Variants in TIAM1 observed in about 807,000 individuals in gnomAD.
TIAM1 encodes the protein rho guanine nucleotide exchange factor TIAM1.
TIAM1 carries 65 observed loss-of-function variants against 163.5 expected under a neutral mutation model. The ratio of observed to expected loss-of-function variants is 0.40; its 90% CI spans 0.33 to 0.49. The LOEUF (loss-of-function observed/expected upper bound fraction) is 0.49. Ranked by LOEUF, TIAM1 falls within the 20% of genes least tolerant of loss-of-function variation. The pLI is 0.77. For synonymous variants in TIAM1, 833 were observed against 810.1 expected, an observed-to-expected ratio of 1.03 and a Z score of -0.48; for missense variants, 1,789 against 2,044.7, an observed-to-expected ratio of 0.87 and a Z score of 2.41.
intron 8 of TIAM1, among the ~76,000 whole-genome samples, chr21:31,218,967 C>T (rs2087381674): frequency 7.2e-6 from 1 of 139,406 alleles, no homozygotes; most frequent in African/African-American, 2.6e-5. Flanking sequence ...TTTTGTTGAA[C>T]AAAAGCTAAA....
At position 31,223,464 on chromosome 21, in the gene TIAM1, G is replaced by A; in HGVS notation, c.1937C>T (p.Pro646Leu). ...PKRLLAFASR[P>L]TKVAMGRLGI... ...AAGGCGGCCCATGGCCACTTTCGTT[G>A]GTCGACTTGCAAAAGCGAGAAGCCT... Residue 646 changes from proline (P) to leucine (L), a missense_variant, in exon 8 of 28, where the codon CCA becomes CTA. Coordinates refer to ENST00000541036, the MANE Select transcript of TIAM1 (RefSeq NM_001353694.2). 3 of 1,613,966 alleles carry A rather than the reference G, an allele frequency of 1.9e-6. No homozygotes were observed. Among genetic ancestry groups the A allele is most frequent in the Non-Finnish European group, 1.7e-6 (2 of 1,179,898 alleles).
intron 1 of TIAM1, among the ~76,000 whole-genome samples, chr21:31,487,888 C>T (rs191947834): frequency 5.9e-5 from 9 of 151,748 alleles, no homozygotes; most frequent in East Asian, 3.9e-4. Context: ...GATGAGGTTT[C>T]GCCATGTTGG....
chr21:31,365,370 G>A (rs2076482037), intron 2 of TIAM1, among the ~76,000 whole-genome samples: 1 of 148,556 alleles, frequency 6.7e-6, no homozygotes, highest in Non-Finnish European at 1.5e-5. Context: ...CAGGGTCTGT[G>A]TCTCACTTAT....
chr21:31,361,174 T>C (rs930786018), intron 2 of TIAM1, among the ~76,000 whole-genome samples: 2 of 152,110 alleles, frequency 1.3e-5, no homozygotes, highest in Non-Finnish European at 2.9e-5. Flanking sequence ...TACCATGAAA[T>C]TGTATAATAA....
intron 16 of TIAM1, among the ~76,000 whole-genome samples, chr21:31,154,912 T>C (rs2083548929): frequency 6.6e-6 from 1 of 152,232 alleles, no homozygotes. Flanking sequence ...CTATCTACTT[T>C]GCAATGTTGC....
rs577984210 is a variant in TIAM1, at chr21:31,472,532, AT to A, written c.-421-8498del. 2.2e-3 allele frequency among the ~76,000 whole-genome samples: 339 copies of A among 152,292 alleles called. 1 individual carries two copies. The highest frequency in any genetic ancestry group is 7.4e-3 in the African/African-American group (309 of 41,556). ...ACAAAGCAAGACTGTCTGAAAAAAAATAAATAAATAAAAATAGTGTCTGGTG... is the reference window on the plus strand; with the variant it reads ...ACAAAGCAAGACTGTCTGAAAAAAAAAAATAAATAAAAATAGTGTCTGGTG... On this transcript the variant is annotated intron_variant, in intron 1 of 28. Coordinates refer to the TIAM1 transcript ENST00000286827.
intron 5 of TIAM1, among the ~76,000 whole-genome samples, chr21:31,249,029 A>C (rs1251054629): frequency 6.6e-6 from 1 of 152,206 alleles, no homozygotes; most frequent in African/African-American, 2.4e-5. Context: ...TCAAACTGAG[A>C]GTGAGAATCC....
rs1361571646 is a variant in TIAM1 at position 31,222,624 on chromosome 21, A to G, written c.1995+782T>C. ...CTCCAAAGAGATCTGTGTTCCATAT[A>G]TGGTGTATGTGTGTATGTATGTGTG... On this transcript the variant is annotated intron_variant, in intron 8 of 27. Transcript: ENST00000541036. Among the ~76,000 whole-genome samples, 3 of 143,538 alleles carry G rather than the reference A, an allele frequency of 2.1e-5. No homozygotes were observed. The East Asian group carries it at 6.5e-4, about 31-fold the overall frequency. 94.2% of individuals were successfully genotyped at this position (143,538 alleles called of 152,430 possible). A position where few individuals can be genotyped will look rare whatever the true frequency, so the allele number is the denominator to read the frequency against.
At chr21:31,327,137 C>G (rs554632808) in intron 2 of TIAM1, among the ~76,000 whole-genome samples, 17 of 152,102 alleles carry the variant, frequency 1.1e-4, no homozygotes, top group Non-Finnish European at 2.4e-4. Flanking sequence ...AAAAGACGGT[C>G]GAATCTGCTC....
At chr21:31,455,847 G>A (rs1486522996) in intron 2 of TIAM1, among the ~76,000 whole-genome samples, 1 of 152,184 alleles carries the variant, frequency 6.6e-6, no homozygotes, top group East Asian at 1.9e-4. Context: ...GGCTGTCAAG[G>A]AAAAACTGAG....
chr21:31,446,497 C>T (rs928530692), intron 2 of TIAM1, among the ~76,000 whole-genome samples: 1 of 152,170 alleles, frequency 6.6e-6, no homozygotes, highest in African/African-American at 2.4e-5. Context: ...ACACTGAAAA[C>T]TTACACACCA....
chr21:31,468,504 C>T (rs139543811), intron 1 of TIAM1, among the ~76,000 whole-genome samples: 4,588 of 150,406 alleles, frequency 0.031, 233 homozygotes, highest in African/African-American at 0.11. Context: ...AGACCGGGCA[C>T]GGTGACTCAG....
At chr21:31,274,626 T>C (rs950195874) in intron 3 of TIAM1, among the ~76,000 whole-genome samples, 2 of 152,156 alleles carry the variant, frequency 1.3e-5, no homozygotes, top group African/African-American at 4.8e-5. Context: ...ACATGAACAA[T>C]GCCCAGCCCT....
At chr21:31,228,219 TTAAAAAAAAAAAAAA>T (rs2088119502) in intron 6 of TIAM1, among the ~76,000 whole-genome samples, 3 of 17,628 alleles carry the variant, frequency 1.7e-4, no homozygotes, top group African/African-American at 2.2e-4. Context: ...CCTCCTTTTT[TTAAAAAAAAAAAAAA>T]AAAAAAAAAA....
chr21:31,321,946 G>C (rs188601289), intron 2 of TIAM1, among the ~76,000 whole-genome samples: 1 of 151,882 alleles, frequency 6.6e-6, no homozygotes, highest in African/African-American at 2.4e-5. Flanking sequence ...CCAGCTACTC[G>C]GGAGGCTGAG....
At chr21:31,206,387 C>T (rs879725203) in intron 11 of TIAM1, among the ~76,000 whole-genome samples, 1 of 152,128 alleles carries the variant, frequency 6.6e-6, no homozygotes, top group African/African-American at 2.4e-5. Context: ...GTTCAGAATA[C>T]ATCTTTGTGC....
intron 1 of TIAM1, among the ~76,000 whole-genome samples, chr21:31,497,286 A>G (rs74862715): frequency 0.024 from 3,722 of 152,376 alleles, 52 homozygotes; most frequent in Middle Eastern, 0.048. Flanking sequence ...CTGTGTATGA[A>G]AGTTTTTTAC....
chr21:31,141,401 G>A lies in TIAM1; in HGVS notation c.3579C>T (p.Ile1193=). The change falls in exon 21 of 28, where the codon ATC becomes ATT. Residue 1193 remains isoleucine, a synonymous_variant. Coordinates refer to ENST00000541036, the MANE Select transcript of TIAM1 (RefSeq NM_001353694.2). The surrounding 1 kb of genome is among the most constrained non-coding windows in gnomAD (Gnocchi z 4.7). ...ESYLIKPIQR[I]LKYPLLLREL... is the part of the protein sequence containing the mutation. The stretch of plus-strand genomic sequence containing the variant: ...CCCTGAGCAGAAGTGGGTACTTGAG[G>A]ATCCTCTGGATGGGCTTGATGAGGT... The A allele has an allele frequency of 6.2e-7, 1 of 1,614,270 alleles. No homozygotes were observed.
intron 1 of TIAM1, among the ~76,000 whole-genome samples, chr21:31,492,850 A>T (rs2046517313): frequency 6.6e-6 from 1 of 151,774 alleles, no homozygotes; most frequent in African/African-American, 2.4e-5. Flanking sequence ...TCCATCTATC[A>T]TATATATACT....
Sources: gnomAD v4.1 joint callset for allele counts (sites outside exome capture counted in the v4.1 genomes callset) on GRCh38, gnomAD v4.1.1 for gene constraint, Gnocchi (gnomAD v3.1) non-coding constraint, MANE v1.5 for transcripts, NCBI Gene and HGNC (gene_info 2026-07-23, HGNC 2026-07-21) for gene names.